AGO3: variants seen among roughly 807,000 people sequenced by gnomAD.
AGO3 encodes argonaute RISC catalytic component 3.
AGO3 carries 16 observed loss-of-function variants against 105.5 expected under a neutral mutation model. The observed-to-expected ratio is 0.15, with a 90% CI of 0.10 to 0.23. The LOEUF (loss-of-function observed/expected upper bound fraction) is 0.23. AGO3 is among the 10% of genes least tolerant of loss of function. The pLI, the probability that AGO3 is intolerant of heterozygous loss-of-function variation, is 1.00. For missense variants in AGO3, 534 were observed against 1,088.0 expected, an observed-to-expected ratio of 0.49 and a Z score of 7.16; for synonymous variants, 340 against 367.3, an observed-to-expected ratio of 0.93 and a Z score of 0.85.
intron 17 of AGO3, among the ~76,000 whole-genome samples, chr1:36,046,212 A>C (rs1369842888): frequency 6.6e-6 from 1 of 152,166 alleles, no homozygotes; most frequent in Non-Finnish European, 1.5e-5. Flanking sequence ...TGGTCCAAGC[A>C]GCTACTGCAC....
chr1:36,029,763 G>GCTCA (rs1182867887), intron 12 of AGO3, among the ~76,000 whole-genome samples: 1 of 147,910 alleles, frequency 6.8e-6, no homozygotes, highest in East Asian at 2.0e-4. Flanking sequence ...CATGATCTCA[G>GCTCA]CTCACTGCAA....
At chr1:35,956,617 G>A (rs1215491430) in intron 2 of AGO3, among the ~76,000 whole-genome samples, 1 of 151,598 alleles carries the variant, frequency 6.6e-6, no homozygotes, top group Non-Finnish European at 1.5e-5. Flanking sequence ...GCAAGGTAAG[G>A]ATCATGATTT....
rs573370577 is a variant in AGO3, at chr1:36,052,141, T to C, written c.2275-2805T>C. ...CATGTTTATTGCAGTACTATTACAA[T>C]AGGCAAGATATGGAATCAACCTAAG... On this transcript the variant is annotated intron_variant, in intron 17 of 18. Coordinates refer to ENST00000373191, the MANE Select transcript of AGO3 (RefSeq NM_024852.4). Among the ~76,000 whole-genome samples, 6 of 152,222 alleles carry C rather than the reference T, an allele frequency of 3.9e-5. No homozygotes were observed. In the East Asian group the frequency reaches 1.2e-3, roughly 29 times the overall value.
Position 36,027,210 on chromosome 1 carries a change from C to T in AGO3, c.1503C>T (p.Ser501=), listed in dbSNP as rs755298723. 3.2e-5 allele frequency: 52 copies of T among 1,614,046 alleles called. No individual in the cohort carries two copies. The highest frequency in any genetic ancestry group is 5.3e-5 in the African/African-American group (4 of 74,916). The change falls in exon 12 of 19, where the codon AGC becomes AGT. Residue 501 remains serine, a synonymous_variant. Transcript: ENST00000373191. This position sits in a 1 kb window ranked among gnomAD's most constrained non-coding sequence, Gnocchi z 4.0. ...GCAAATATGCACAGGGGGCAGACAG[C>T]GTAGAGCCCATGTTCCGGCATCTCA... The part of the protein sequence containing the change: ...CFCKYAQGAD[S]VEPMFRHLKN...
At chr1:35,953,122 G>A (rs894794880) in intron 2 of AGO3, among the ~76,000 whole-genome samples, 4 of 152,116 alleles carry the variant, frequency 2.6e-5, no homozygotes, top group Non-Finnish European at 5.9e-5. Flanking sequence ...GAAACTGCCA[G>A]ACTCTTTTCC....
chr1:35,943,541 TCCAC>T, intron 1 of AGO3, among the ~76,000 whole-genome samples: 1 of 151,420 alleles, frequency 6.6e-6, no homozygotes, highest in Admixed American at 6.6e-5. Flanking sequence ...CCTCAGGTGA[TCCAC>T]CTGCCTTGGC....
chr1:36,052,415 G>T (rs1009594743), intron 17 of AGO3, among the ~76,000 whole-genome samples: 1 of 152,144 alleles, frequency 6.6e-6, no homozygotes, highest in East Asian at 1.9e-4. Context: ...AAGGGAGGGG[G>T]ATTACCAAAG....
chr1:35,994,503 T>C (rs1182181554), intron 5 of AGO3, among the ~76,000 whole-genome samples: 1 of 152,164 alleles, frequency 6.6e-6, no homozygotes, highest in Non-Finnish European at 1.5e-5. Flanking sequence ...TTGCTCTCAT[T>C]ATTTGGTAAT....
chr1:36,019,961 A>G (rs750671666), intron 11 of AGO3, among the ~76,000 whole-genome samples: 2 of 152,128 alleles, frequency 1.3e-5, no homozygotes, highest in Non-Finnish European at 2.9e-5. Flanking sequence ...AAGTAGAGAC[A>G]GGCTTTCACC....
intron 14 of AGO3, among the ~76,000 whole-genome samples, chr1:36,036,707 A>T (rs890809973): frequency 2.6e-5 from 4 of 151,700 alleles, no homozygotes; most frequent in African/African-American, 7.3e-5. Context: ...TATTTTATTT[A>T]TTTTTTTCAG....
At chr1:35,995,011 C>G (rs571788454) in intron 5 of AGO3, among the ~76,000 whole-genome samples, 2 of 151,730 alleles carry the variant, frequency 1.3e-5, no homozygotes, top group South Asian at 4.2e-4. Flanking sequence ...CCAGCCTGGG[C>G]AACACGGTGA....
chr1:35,960,935 TTTTTTTTTTTATTTTTA>T (rs1003813337), intron 2 of AGO3, among the ~76,000 whole-genome samples: 4 of 151,674 alleles, frequency 2.6e-5, no homozygotes, highest in African/African-American at 9.7e-5. Context: ...TTCTTTTCTT[TTTTTTTTTTTATTTTTA>T]TTTTTTTTTG....
chr1:36,028,422 A>T, intron 12 of AGO3, among the ~76,000 whole-genome samples: 1 of 83,822 alleles, frequency 1.2e-5, no homozygotes, highest in Non-Finnish European at 2.2e-5. Flanking sequence ...CAGTCCCCAG[A>T]GTGTGATGTT....
chr1:36,043,204 A>G lies in AGO3; in HGVS notation c.2173-243A>G, dbSNP rs535783600. On this transcript the variant is annotated intron_variant, in intron 16 of 18. Coordinates refer to ENST00000373191, the MANE Select transcript of AGO3 (RefSeq NM_024852.4). Reference sequence around the variant, plus strand: ...TCTTCCACCCATAGTGGGGTCAACTATCAGCTAAGCAGTAGTAGAGACTGT... The same window carrying G: ...TCTTCCACCCATAGTGGGGTCAACTGTCAGCTAAGCAGTAGTAGAGACTGT... 6 of 399,034 alleles carry G rather than the reference A, an allele frequency of 1.5e-5. No individual in the cohort carries two copies. In the South Asian group the frequency reaches 2.8e-4, roughly 19 times the overall value. 24.7% of individuals were successfully genotyped at this position (399,034 alleles called of 1,614,324 possible). A position where few individuals can be genotyped will look rare whatever the true frequency, so the allele number is the denominator to read the frequency against.
intron 11 of AGO3, among the ~76,000 whole-genome samples, chr1:36,025,163 A>G (rs1641443718): frequency 6.6e-6 from 1 of 152,224 alleles, no homozygotes; most frequent in South Asian, 2.1e-4. Context: ...AGTTTACCTC[A>G]GGCCATTTCA....
intron 2 of AGO3, among the ~76,000 whole-genome samples, chr1:35,954,630 T>A (rs1053849655): frequency 6.6e-6 from 1 of 152,254 alleles, no homozygotes; most frequent in African/African-American, 2.4e-5. Flanking sequence ...TTTCATTAAC[T>A]GTTTACTCCT....
At chr1:35,957,765 A>C (rs536339541) in intron 2 of AGO3, among the ~76,000 whole-genome samples, 1 of 152,098 alleles carries the variant, frequency 6.6e-6, no homozygotes, top group East Asian at 1.9e-4. Flanking sequence ...TATATTACAA[A>C]TTATTAAAAT....
intron 5 of AGO3, among the ~76,000 whole-genome samples, chr1:36,000,738 T>C (rs996414429): frequency 2.0e-5 from 3 of 151,672 alleles, no homozygotes; most frequent in African/African-American, 7.3e-5. Flanking sequence ...TTGTGCACAA[T>C]AATATTCCAA....
At chr1:35,996,504 CTCACACCTGTAA>C (rs1480215383) in intron 5 of AGO3, among the ~76,000 whole-genome samples, 1 of 152,086 alleles carries the variant, frequency 6.6e-6, no homozygotes, top group Non-Finnish European at 1.5e-5. Context: ...GGCACAGTGG[CTCACACCTGTAA>C]TCCCAGCACT....
Sources: gnomAD v4.1 joint callset for allele counts (sites outside exome capture counted in the v4.1 genomes callset) on GRCh38, gnomAD v4.1.1 for gene constraint, Gnocchi (gnomAD v3.1) non-coding constraint, MANE v1.5 for transcripts, NCBI Gene and HGNC (gene_info 2026-07-23, HGNC 2026-07-21) for gene names.